The following PAK4 variants were observed in gnomAD, a reference collection of about 807,000 sequenced individuals.
The protein encoded by PAK4 is serine/threonine-protein kinase PAK 4.
In PAK4, 49 loss-of-function variants were observed where a neutral mutation model predicts 53.5. That is an observed-to-expected ratio of 0.92 (90% CI 0.73 to 1.16). The LOEUF (loss-of-function observed/expected upper bound fraction) is 1.16, where lower values mean the gene tolerates loss of function less well. Ranked by LOEUF, PAK4 falls within the 50% of genes most tolerant of loss-of-function variation. PAK4 has a pLI of 0.00. For missense variants in PAK4, 824 were observed against 850.7 expected (o/e 0.97, Z 0.39); for synonymous variants, 376 against 375.6 (o/e 1.00, Z -0.01).
At chr19:39,152,943 C>T (rs943910463) in intron 1 of PAK4, among the ~76,000 whole-genome samples, 3 of 152,054 alleles carry the variant, frequency 2.0e-5, no homozygotes, top group Admixed American at 6.6e-5. Context: ...TTTCCATCCG[C>T]GGTTATGGAG....
intron 1 of PAK4, among the ~76,000 whole-genome samples, 197 bp downstream of exon 1, chr19:39,126,116 C>T (rs905750402): frequency 6.6e-6 from 1 of 151,460 alleles, no homozygotes; most frequent in Non-Finnish European, 1.5e-5. Flanking sequence ...GCGAAGGGGG[C>T]GTGGCGAAGG....
chr19:39,181,898 G>C (rs111353239), downstream of PAK4: 1 of 144,848 alleles, frequency 6.9e-6, no homozygotes, highest in East Asian at 2.1e-4. Flanking sequence ...ATGCAACCAG[G>C]TCAGACCAGC....
At chr19:39,170,962 C>T (rs1024594824) in intron 2 of PAK4, among the ~76,000 whole-genome samples, 4 of 152,220 alleles carry the variant, frequency 2.6e-5, no homozygotes, top group Non-Finnish European at 5.9e-5. Flanking sequence ...CTCAGCTCCA[C>T]GCCCTGCCTG....
At chr19:39,172,698 C>T (rs1163263995) in intron 2 of PAK4, among the ~76,000 whole-genome samples, 1 of 152,174 alleles carries the variant, frequency 6.6e-6, no homozygotes, top group African/African-American at 2.4e-5. Context: ...CAGGGGGCAG[C>T]AGCCTGGCCA....
chr19:39,133,985 G>T (rs2073763340), intron 1 of PAK4, among the ~76,000 whole-genome samples: 1 of 151,944 alleles, frequency 6.6e-6, no homozygotes, highest in Non-Finnish European at 1.5e-5. Flanking sequence ...CCCCTCCACA[G>T]ACCCGTCCCC....
chr19:39,141,920 C>T (rs183148711), intron 1 of PAK4, among the ~76,000 whole-genome samples: 85 of 152,372 alleles, frequency 5.6e-4, no homozygotes, highest in African/African-American at 2.0e-3. Context: ...AGCCACGGCG[C>T]CCGGCCCATT....
chr19:39,170,488 G>A (rs368538883), intron 2 of PAK4, among the ~76,000 whole-genome samples: 4 of 152,226 alleles, frequency 2.6e-5, no homozygotes, highest in Non-Finnish European at 4.4e-5. Flanking sequence ...TTGTGGAGCC[G>A]GTGTCTGGGT....
chr19:39,176,539 C>T (rs947536800), intron 6 of PAK4, 51 bp from the exon 8 acceptor site: 17 of 1,611,462 alleles, frequency 1.1e-5, no homozygotes, highest in Admixed American at 1.7e-5. Flanking sequence ...CCCCTGCTCG[C>T]CCTCCTGCTG....
At chr19:39,180,297 G>C (rs2074687058), downstream of PAK4, 1 of 152,050 alleles carries the variant, frequency 6.6e-6, no homozygotes, top group Admixed American at 6.5e-5. Context: ...TGGAGGCTTA[G>C]GTGAGGTGGA....
chr19:39,157,051 A>C (rs1035964289), intron 1 of PAK4, among the ~76,000 whole-genome samples: 4 of 151,388 alleles, frequency 2.6e-5, no homozygotes, highest in African/African-American at 7.3e-5. Context: ...ATCTGAGCAT[A>C]GGTCCCTGAG....
At chr19:39,166,328 C>G (rs374139559) in intron 1 of PAK4, among the ~76,000 whole-genome samples, 1 of 152,212 alleles carries the variant, frequency 6.6e-6, no homozygotes, top group East Asian at 1.9e-4. Context: ...CCTGTAATCC[C>G]AGCTACTTGG....
chr19:39,159,804 C>T (rs374006341), intron 1 of PAK4, among the ~76,000 whole-genome samples: 7 of 152,188 alleles, frequency 4.6e-5, no homozygotes, highest in East Asian at 3.9e-4. Flanking sequence ...GTGGCGGGGA[C>T]GGCGCTATAC....
Position 39,175,562 on chromosome 19 carries a change from G to C in PAK4, c.1359+124G>C. ...CCCAGGTCTGTGTCTTGAGGAGCTGGGAACTTCGTCCCTCCCTGGTGGAGC... is the reference window on the plus strand; with the variant it reads ...CCCAGGTCTGTGTCTTGAGGAGCTGCGAACTTCGTCCCTCCCTGGTGGAGC... On this transcript the variant is annotated intron_variant, in intron 6 of 8. Coordinates refer to ENST00000358301, the Ensembl canonical transcript of PAK4. This position sits in a 1 kb window ranked among gnomAD's most constrained non-coding sequence, Gnocchi z 4.7. The C allele has an allele frequency of 9.2e-7, 1 of 1,090,524 alleles. No individual in the cohort carries two copies. Among genetic ancestry groups the C allele is most frequent in the Non-Finnish European group, 1.3e-6 (1 of 766,076 alleles). 67.6% of individuals were successfully genotyped at this position (1,090,524 alleles called of 1,614,324 possible).
chr19:39,159,684 G>A (rs898662069), intron 1 of PAK4, among the ~76,000 whole-genome samples: 7 of 152,194 alleles, frequency 4.6e-5, no homozygotes, highest in African/African-American at 7.2e-5. Context: ...CACTGTGCCC[G>A]GCCATGGACC....
chr19:39,165,493 C>T (rs552039407), intron 1 of PAK4, among the ~76,000 whole-genome samples: 21 of 147,568 alleles, frequency 1.4e-4, no homozygotes, highest in South Asian at 4.3e-4. Flanking sequence ...CCAGCCTGGG[C>T]GACAGAGCAA....
At chr19:39,151,388 A>G (rs746857520) in intron 1 of PAK4, among the ~76,000 whole-genome samples, 1 of 152,250 alleles carries the variant, frequency 6.6e-6, no homozygotes, top group African/African-American at 2.4e-5. Context: ...CCGAGGGGAG[A>G]TAGGCCCTGG....
At chr19:39,177,078 G>C (rs2004104) in intron 7 of PAK4, among the ~76,000 whole-genome samples, 118 of 152,248 alleles carry the variant, frequency 7.8e-4, no homozygotes, top group Non-Finnish European at 1.3e-3. Context: ...TGTTGGCCAG[G>C]TTGGTCTTGA....
chr19:39,158,143 G>T (rs573739599), intron 1 of PAK4, among the ~76,000 whole-genome samples: 5 of 150,972 alleles, frequency 3.3e-5, no homozygotes, highest in Admixed American at 3.3e-4. Flanking sequence ...ATGTGTGAGC[G>T]TGCGTGTGTG....
chr19:39,175,399 C>A lies in PAK4; in HGVS notation c.1320C>A (p.Asp440Glu). 1 of 1,604,974 alleles carries A rather than the reference C, an allele frequency of 6.2e-7. No individual in the cohort carries two copies. The highest frequency in any genetic ancestry group is 8.5e-7 in the Non-Finnish European group (1 of 1,175,868). Residue 440 changes from aspartate to glutamate, a missense_variant, in exon 6 of 9, where the codon GAC becomes GAA. Physicochemically the swap from Asp to Glu is conservative, Grantham distance 45 (BLOSUM62 2). This residue lies in a region of PAK4 where 346 missense variants were observed against 415.0 expected (regional missense o/e 0.83). Coordinates refer to ENST00000358301, the Ensembl canonical transcript of PAK4. The surrounding 1 kb of genome is among the most constrained non-coding windows in gnomAD (Gnocchi z 4.7). ...ACGCCCAGGGCGTCATCCACCGGGA[C>A]ATCAAGAGCGACTCGATCCTGCTGA...
Sources: gnomAD v4.1 joint callset for allele counts (sites outside exome capture counted in the v4.1 genomes callset) on GRCh38, gnomAD v4.1.1 for gene constraint, gnomAD v4.1.1 regional missense constraint, Gnocchi (gnomAD v3.1) non-coding constraint, MANE v1.5 for transcripts, NCBI Gene and HGNC (gene_info 2026-07-23, HGNC 2026-07-21) for gene names.